Variants in MAGI3 observed in about 807,000 individuals in gnomAD.
MAGI3 encodes membrane-associated guanylate kinase, WW and PDZ domain-containing protein 3.
MAGI3 carries 43 observed loss-of-function variants against 121.8 expected under a neutral mutation model. That is an observed-to-expected ratio of 0.35 (90% CI 0.28 to 0.46). The LOEUF is 0.46. Among genes scored for constraint, MAGI3 ranks in the 20% least tolerant of loss-of-function variants. MAGI3 has a pLI of 1.00. For synonymous variants in MAGI3, 553 were observed against 639.3 expected, an observed-to-expected ratio of 0.86 and a Z score of 2.04; for missense variants, 1,547 against 1,797.3, an observed-to-expected ratio of 0.86 and a Z score of 2.52.
intron 1 of MAGI3, among the ~76,000 whole-genome samples, chr1:113,417,195 T>A (rs1652496177): frequency 6.6e-6 from 1 of 152,140 alleles, no homozygotes; most frequent in South Asian, 2.1e-4. Context: ...TAGAGTCATA[T>A]AATCACTATC....
chr1:113,593,533 ACT>A (rs1648819937), intron 5 of MAGI3, among the ~76,000 whole-genome samples: 1 of 152,042 alleles, frequency 6.6e-6, no homozygotes, highest in Non-Finnish European at 1.5e-5. Context: ...ACAGAGCAAG[ACT>A]CTGTCTCAAA....
intron 2 of MAGI3, among the ~76,000 whole-genome samples, chr1:113,567,057 G>T (rs1481796395): frequency 6.8e-6 from 1 of 146,582 alleles, no homozygotes; most frequent in Admixed American, 6.8e-5. Context: ...CTTAGATTAA[G>T]AAAAAAAGAC....
At position 113,391,306 on chromosome 1, in the gene MAGI3, C is replaced by T. The variant is rs1258698563; in HGVS notation, c.273C>T (p.Ile91=). ...GLTNRDTLAV[I]RHFREPIRLK... is the part of the protein sequence containing the mutation. ...CCAACCGGGACACCCTGGCTGTCATCCGCCACTTCCGCGAGCCCATCCGTC... is the reference window on the plus strand; with the variant it reads ...CCAACCGGGACACCCTGGCTGTCATTCGCCACTTCCGCGAGCCCATCCGTC... The change falls in exon 1 of 21, where the codon ATC becomes ATT. Residue 91 remains isoleucine, a synonymous_variant. Coordinates refer to ENST00000307546, the MANE Select transcript of MAGI3 (RefSeq NM_001142782.2). This position sits in a 1 kb window ranked among gnomAD's most constrained non-coding sequence, Gnocchi z 4.4. 4.4e-6 allele frequency: 7 copies of T among 1,596,664 alleles called. No individual in the cohort carries two copies. The African/African-American group carries it at 8.1e-5, about 18-fold the overall frequency.
intron 1 of MAGI3, among the ~76,000 whole-genome samples, chr1:113,543,023 T>C (rs1659362087): frequency 6.6e-6 from 1 of 151,832 alleles, no homozygotes; most frequent in Non-Finnish European, 1.5e-5. Context: ...TTAAAACATA[T>C]AGCATATACT....
At chr1:113,613,898 A>G (rs888494180) in intron 6 of MAGI3, among the ~76,000 whole-genome samples, 10 of 152,274 alleles carry the variant, frequency 6.6e-5, no homozygotes, top group African/African-American at 2.4e-4. Context: ...TGAAAAGGCT[A>G]GAGATTTGTT....
chr1:113,470,552 C>G (rs1361929121), intron 1 of MAGI3, among the ~76,000 whole-genome samples: 1 of 152,110 alleles, frequency 6.6e-6, no homozygotes, highest in Admixed American at 6.6e-5. Flanking sequence ...AAATTGAGAA[C>G]ATTTAAGATC....
chr1:113,515,836 G>A (rs372880364), intron 1 of MAGI3, among the ~76,000 whole-genome samples: 6 of 152,144 alleles, frequency 3.9e-5, no homozygotes, highest in South Asian at 2.1e-4. Context: ...ATGATGATCC[G>A]TGGTACTGAT....
chr1:113,602,705 G>C (rs1023396896), intron 6 of MAGI3, among the ~76,000 whole-genome samples: 1 of 152,172 alleles, frequency 6.6e-6, no homozygotes, highest in African/African-American at 2.4e-5. Context: ...GCCAAGGCAG[G>C]CAGATTGCTT....
At chr1:113,428,749 A>G (rs530742342) in intron 1 of MAGI3, among the ~76,000 whole-genome samples, 62 of 152,330 alleles carry the variant, frequency 4.1e-4, no homozygotes, top group Non-Finnish European at 7.5e-4. Flanking sequence ...CATGTGTGGC[A>G]CGTCTCAAGT....
At chr1:113,480,427 T>C (rs1656054151) in intron 1 of MAGI3, among the ~76,000 whole-genome samples, 1 of 152,118 alleles carries the variant, frequency 6.6e-6, no homozygotes, top group Non-Finnish European at 1.5e-5. Flanking sequence ...GCCAGGAGCC[T>C]GGGGCCATGA....
intron 6 of MAGI3, among the ~76,000 whole-genome samples, chr1:113,606,431 G>A (rs112102647): frequency 6.6e-6 from 1 of 152,000 alleles, no homozygotes. Flanking sequence ...GTCTTCTAGA[G>A]CATGTCCCTT....
At chr1:113,680,618 G>A (rs1374215121) in intron 19 of MAGI3, among the ~76,000 whole-genome samples, 4 of 152,062 alleles carry the variant, frequency 2.6e-5, no homozygotes, top group Admixed American at 1.3e-4. Context: ...TTAGCCGGGC[G>A]TGGTGGCGGG....
chr1:113,628,542 G>T lies in MAGI3; in HGVS notation c.1360+5548G>T, dbSNP rs540205432. ...ACCTTCAGATGATTTCTTATTGCTC[G>T]TTAATGTCCTTTTCTTTCGCATTGA... On this transcript the variant is annotated intron_variant, in intron 9 of 20. Coordinates refer to ENST00000307546, the MANE Select transcript of MAGI3 (RefSeq NM_001142782.2). 1.1e-4 allele frequency among the ~76,000 whole-genome samples: 17 copies of T among 152,118 alleles called. No individual in the cohort carries two copies. In the South Asian group the frequency reaches 1.2e-3, roughly 11 times the overall value.
chr1:113,402,545 T>C (rs1651462760), intron 1 of MAGI3, among the ~76,000 whole-genome samples: 1 of 152,182 alleles, frequency 6.6e-6, no homozygotes, highest in Non-Finnish European at 1.5e-5. Context: ...TATGGTAGAC[T>C]GCTAACACTG....
intron 3 of MAGI3, 182 bp downstream of exon 3, chr1:113,580,843 T>A (rs1343409336): frequency 9.3e-6 from 4 of 430,980 alleles, no homozygotes; most frequent in African/African-American, 4.1e-5. Context: ...GATTAAATAA[T>A]AAGCAAAAAA....
At chr1:113,470,232 GCT>G (rs1655479472) in intron 1 of MAGI3, among the ~76,000 whole-genome samples, 1 of 151,876 alleles carries the variant, frequency 6.6e-6, no homozygotes, top group Non-Finnish European at 1.5e-5. Context: ...ATATTGGGCA[GCT>G]CTGTTTCACA....
intron 5 of MAGI3, among the ~76,000 whole-genome samples, chr1:113,593,733 AAACT>A (rs367773066): frequency 5.3e-5 from 8 of 152,266 alleles, no homozygotes; most frequent in African/African-American, 7.2e-5. Context: ...ACCTGGTCTG[AAACT>A]AACTGACTAT....
At chr1:113,586,278 CT>C (rs1648360633) in intron 4 of MAGI3, among the ~76,000 whole-genome samples, 1 of 152,182 alleles carries the variant, frequency 6.6e-6, no homozygotes, top group South Asian at 2.1e-4. Context: ...AGAATGTAAA[CT>C]TCATAGGGCT....
chr1:113,616,300 AC>A (rs1650459102), intron 7 of MAGI3, among the ~76,000 whole-genome samples: 1 of 152,206 alleles, frequency 6.6e-6, no homozygotes, highest in Non-Finnish European at 1.5e-5. Context: ...TTTGTATTAG[AC>A]TAAGAAGGAG....
Sources: allele counts gnomAD v4.1 joint callset (sites outside exome capture counted in the v4.1 genomes callset), GRCh38; gene constraint gnomAD v4.1.1; non-coding constraint Gnocchi (gnomAD v3.1); transcripts MANE v1.5; gene names NCBI Gene and HGNC (gene_info 2026-07-23, HGNC 2026-07-21).